The following ERBB4 variants were observed in gnomAD, a reference collection of about 807,000 sequenced individuals.
The protein encoded by ERBB4 is erb-b2 receptor tyrosine kinase 4, also known as receptor tyrosine-protein kinase erbB-4.
ERBB4 carries 42 observed loss-of-function variants against 158.0 expected under a neutral mutation model. The ratio of observed to expected loss-of-function variants is 0.27; its 90% CI spans 0.21 to 0.34. The LOEUF is 0.34. ERBB4 is among the 10% of genes least tolerant of loss of function. The probability of loss-of-function intolerance (pLI) is 1.00; values close to 1 mark genes in which losing one functional copy is unlikely to be tolerated. For missense variants in ERBB4, 1,333 were observed against 1,624.1 expected (o/e 0.82, Z 3.08); for synonymous variants, 583 against 558.7 (o/e 1.04, Z -0.61).
chr2:212,112,123 C>T (rs2079429263), intron 2 of ERBB4, among the ~76,000 whole-genome samples: 1 of 152,154 alleles, frequency 6.6e-6, no homozygotes, highest in Non-Finnish European at 1.5e-5. Flanking sequence ...CTCCTGGGCT[C>T]AAATGATCCT....
intron 1 of ERBB4, among the ~76,000 whole-genome samples, chr2:212,217,675 T>G (rs1366802788): frequency 6.6e-6 from 1 of 151,288 alleles, no homozygotes; most frequent in Non-Finnish European, 1.5e-5. Flanking sequence ...TCAGAGGTAA[T>G]TTAAACAGAC....
intron 19 of ERBB4, among the ~76,000 whole-genome samples, chr2:211,589,229 C>T (rs897923752): frequency 6.6e-6 from 1 of 152,054 alleles, no homozygotes; most frequent in Non-Finnish European, 1.5e-5. Flanking sequence ...AAAATGTAAT[C>T]ACAGCAAAAG....
intron 25 of ERBB4, among the ~76,000 whole-genome samples, chr2:211,405,060 T>C (rs1404562599): frequency 1.3e-5 from 2 of 152,168 alleles, no homozygotes; most frequent in Non-Finnish European, 2.9e-5. Flanking sequence ...CCTATATTGC[T>C]GCACTACATC....
intron 1 of ERBB4, among the ~76,000 whole-genome samples, chr2:212,434,066 A>C (rs181508060): frequency 6.6e-6 from 1 of 151,996 alleles, no homozygotes; most frequent in African/African-American, 2.4e-5. Flanking sequence ...GTTCCTGTAC[A>C]TGCTTTTAAA....
intron 2 of ERBB4, among the ~76,000 whole-genome samples, chr2:212,111,225 C>G (rs1320505899): frequency 6.6e-6 from 1 of 152,196 alleles, no homozygotes; most frequent in African/African-American, 2.4e-5. Context: ...GTTGTTAAGT[C>G]TTTATTAAGT....
chr2:212,519,796 T>C (rs149143099), intron 1 of ERBB4, among the ~76,000 whole-genome samples: 2 of 151,434 alleles, frequency 1.3e-5, no homozygotes, highest in Admixed American at 6.6e-5. Context: ...TAGAGAGAGG[T>C]TGGTTAAAGA....
intron 1 of ERBB4, among the ~76,000 whole-genome samples, chr2:212,226,988 G>A (rs1002654467): frequency 2.0e-5 from 3 of 152,098 alleles, no homozygotes; most frequent in African/African-American, 7.2e-5. Context: ...GCTCACGCCT[G>A]TAATCCTAGC....
intron 6 of ERBB4, among the ~76,000 whole-genome samples, chr2:211,722,962 T>C (rs545191808): frequency 1.7e-4 from 26 of 152,232 alleles, no homozygotes; most frequent in Non-Finnish European, 2.9e-4. Flanking sequence ...AGTACAATTA[T>C]CACCACTGTC....
At chr2:211,716,362 CAA>C (rs534486221) in intron 7 of ERBB4, among the ~76,000 whole-genome samples, 114 of 69,168 alleles carry the variant, frequency 1.6e-3, no homozygotes, top group African/African-American at 1.9e-3. Context: ...AACTCTGTCT[CAA>C]AAAAAAAAAA....
intron 2 of ERBB4, among the ~76,000 whole-genome samples, chr2:212,082,999 A>G (rs2078491771): frequency 1.3e-5 from 2 of 152,000 alleles, no homozygotes; most frequent in South Asian, 4.1e-4. Flanking sequence ...CAAATGAAGG[A>G]AGCTAACTCT....
At chr2:211,966,005 A>G (rs2081300344) in intron 2 of ERBB4, among the ~76,000 whole-genome samples, 1 of 152,158 alleles carries the variant, frequency 6.6e-6, no homozygotes, top group Non-Finnish European at 1.5e-5. Context: ...TCAGGCCATG[A>G]ATTCAAGACC....
intron 15 of ERBB4, among the ~76,000 whole-genome samples, chr2:211,659,914 G>A (rs2071355112): frequency 6.6e-6 from 1 of 152,156 alleles, no homozygotes; most frequent in South Asian, 2.1e-4. Flanking sequence ...GACACCTAGA[G>A]CCAACCTAGA....
At chr2:212,307,894 T>C (rs546915838) in intron 1 of ERBB4, among the ~76,000 whole-genome samples, 1 of 151,108 alleles carries the variant, frequency 6.6e-6, no homozygotes, top group East Asian at 2.0e-4. Context: ...AAAGGTAGAC[T>C]AATGTTTTTG....
At chr2:212,426,135 A>G in intron 1 of ERBB4, 1 of 347,368 alleles carries the variant, frequency 2.9e-6, no homozygotes, top group Non-Finnish European at 5.8e-6. Flanking sequence ...TAAATATATT[A>G]CTTGTCATTG....
intron 2 of ERBB4, among the ~76,000 whole-genome samples, chr2:212,035,987 G>A (rs867994185): frequency 6.6e-6 from 1 of 151,912 alleles, no homozygotes; most frequent in Non-Finnish European, 1.5e-5. Context: ...ACTCTACCTG[G>A]GATACATATA....
In ERBB4 at chr2:211,380,432, C is replaced by G. The variant is rs2062555732; in HGVS notation, c.*3183G>C. 1 of 232,178 alleles carries G rather than the reference C, an allele frequency of 4.3e-6. No individual in the cohort carries two copies. Among genetic ancestry groups the G allele is most frequent in the South Asian group, 1.8e-4 (1 of 5,520 alleles). 14.4% of individuals were successfully genotyped at this position (232,178 alleles called of 1,614,324 possible). On this transcript the variant is annotated 3_prime_UTR_variant, in exon 28 of 28. Transcript: ENST00000342788. The stretch of plus-strand genomic sequence containing the variant: ...AAATATACTCCGTGTAATTTTAATA[C>G]TAATTTGTCTCAGATTTACATAATT...
At chr2:211,409,917 C>T (rs145396615) in intron 25 of ERBB4, among the ~76,000 whole-genome samples, 2 of 152,216 alleles carry the variant, frequency 1.3e-5, no homozygotes, top group African/African-American at 2.4e-5. Context: ...TCTGACACTC[C>T]GCGAGTACAT....
intron 5 of ERBB4, among the ~76,000 whole-genome samples, chr2:211,729,020 C>T (rs1198119834): frequency 2.0e-5 from 3 of 151,372 alleles, no homozygotes; most frequent in Non-Finnish European, 4.4e-5. Flanking sequence ...AAATATAATC[C>T]AATGTAGTAC....
intron 13 of ERBB4, among the ~76,000 whole-genome samples, chr2:211,678,634 A>T (rs1338718415): frequency 1.3e-5 from 2 of 152,296 alleles, no homozygotes; most frequent in East Asian, 3.9e-4. Context: ...TCTCCTTAAA[A>T]ATCCTGGCCT....
Sources: allele counts gnomAD v4.1 joint callset (sites outside exome capture counted in the v4.1 genomes callset), GRCh38; gene constraint gnomAD v4.1.1; transcripts MANE v1.5; gene names NCBI Gene and HGNC (gene_info 2026-07-23, HGNC 2026-07-21).